The following TRIM16 variants were observed in gnomAD, a reference collection of about 807,000 sequenced individuals.
TRIM16 encodes the protein tripartite motif containing 16.
A neutral mutation model predicts 50.4 loss-of-function variants in TRIM16; 33 were observed. The observed-to-expected ratio is 0.65, with a 90% CI of 0.50 to 0.88. The LOEUF (loss-of-function observed/expected upper bound fraction) is 0.88. Ranked by LOEUF, TRIM16 falls within the 40% of genes least tolerant of loss-of-function variation. The pLI is 0.00. For missense variants in TRIM16, 581 were observed against 686.8 expected, an observed-to-expected ratio of 0.85 and a Z score of 1.72; for synonymous variants, 229 against 270.7, an observed-to-expected ratio of 0.85 and a Z score of 1.51.
At chr17:15,644,148 G>A (rs980276865) in intron 7 of TRIM16, among the ~76,000 whole-genome samples, 1 of 152,202 alleles carries the variant, frequency 6.6e-6, no homozygotes, top group African/African-American at 2.4e-5. Context: ...CACCCCTTCA[G>A]CAATCCAGAA....
At chr17:15,674,054 A>G (rs1988823591) in intron 6 of TRIM16, among the ~76,000 whole-genome samples, 1 of 152,164 alleles carries the variant, frequency 6.6e-6, no homozygotes, top group Non-Finnish European at 1.5e-5. Context: ...AGATGGAAAA[A>G]GCAAAATAGA....
intron 8 of TRIM16, among the ~76,000 whole-genome samples, chr17:15,639,899 C>T (rs1239223788): frequency 1.3e-5 from 2 of 149,128 alleles, no homozygotes; most frequent in Non-Finnish European, 3.0e-5. Context: ...TCCCACTCTC[C>T]TGAGAATGAG....
chr17:15,662,742 C>T (rs917907201), intron 6 of TRIM16, among the ~76,000 whole-genome samples: 2 of 152,170 alleles, frequency 1.3e-5, no homozygotes, highest in Non-Finnish European at 2.9e-5. Context: ...ACATGAGATA[C>T]AGGGTTTTAC....
intron 6 of TRIM16, among the ~76,000 whole-genome samples, chr17:15,665,434 G>A (rs375636583): frequency 2.4e-4 from 36 of 152,300 alleles, no homozygotes; most frequent in South Asian, 1.2e-3. Flanking sequence ...GCGTGAACCC[G>A]GAAGGCAGAG....
intron 6 of TRIM16, among the ~76,000 whole-genome samples, chr17:15,663,343 G>A (rs1221985657): frequency 6.6e-6 from 1 of 152,082 alleles, no homozygotes; most frequent in Non-Finnish European, 1.5e-5. Context: ...TATTTGTGGA[G>A]GTCACAAAAT....
In TRIM16 at chr17:15,628,473, A is replaced by T; in HGVS notation, c.*142T>A. On this transcript the variant is annotated 3_prime_UTR_variant, in exon 12 of 12. Transcript: ENST00000649191. ...AGCACCATATGGAGCAAAAGAGAGC[A>T]GCTGGAGAATGTTTTCATTCAGAGA... 1 of 650,060 alleles carries T rather than the reference A, an allele frequency of 1.5e-6. No individual in the cohort carries two copies. Among genetic ancestry groups the T allele is most frequent in the Non-Finnish European group, 2.6e-6 (1 of 383,000 alleles). 40.3% of individuals were successfully genotyped at this position (650,060 alleles called of 1,614,324 possible).
In TRIM16 at chr17:15,628,018, T is replaced by C. The variant is rs1986193541; in HGVS notation, c.*597A>G. On this transcript the variant is annotated 3_prime_UTR_variant, in exon 12 of 12. Coordinates refer to ENST00000649191, the MANE Select transcript of TRIM16 (RefSeq NM_001348119.1). ...ACTCTGCAATCTTTTCAGCCACTCTTTAAGGTTCCTGGTCATCCATTCTGG... is the reference window on the plus strand; with the variant it reads ...ACTCTGCAATCTTTTCAGCCACTCTCTAAGGTTCCTGGTCATCCATTCTGG... 1 of 152,300 alleles carries C rather than the reference T, an allele frequency of 6.6e-6. No homozygotes were observed. The highest frequency in any genetic ancestry group is 2.4e-5 in the African/African-American group (1 of 41,440). 9.4% of individuals were successfully genotyped at this position (152,300 alleles called of 1,614,324 possible).
chr17:15,683,163 G>T lies in TRIM16; in HGVS notation c.-898-6C>A. Reference sequence around the variant, plus strand: ...TGCCAGCATTCTACCAGAAACTGTGGTAAGAGGTTCTGGATTGAAGTTTTC... The same window carrying T: ...TGCCAGCATTCTACCAGAAACTGTGTTAAGAGGTTCTGGATTGAAGTTTTC... On this transcript the variant is annotated splice_region_variant and splice_polypyrimidine_tract_variant and intron_variant, in intron 1 of 11. Transcript: ENST00000649191. 6.5e-7 allele frequency: 1 copy of T among 1,535,060 alleles called. No individual in the cohort carries two copies. Among genetic ancestry groups the T allele is most frequent in the East Asian group, 2.4e-5 (1 of 40,818 alleles).
intron 6 of TRIM16, among the ~76,000 whole-genome samples, chr17:15,665,259 T>C (rs1439574391): frequency 1.3e-5 from 2 of 152,152 alleles, no homozygotes; most frequent in African/African-American, 2.4e-5. Context: ...ATGCCTGTAA[T>C]CCCAGCACTT....
At chr17:15,637,654 C>A (rs1986888412) in intron 8 of TRIM16, among the ~76,000 whole-genome samples, 1 of 147,990 alleles carries the variant, frequency 6.8e-6, no homozygotes, top group African/African-American at 2.5e-5. Flanking sequence ...CGGCCAGCCG[C>A]CCCGTCCGGG....
rs576081589 is a variant in TRIM16 at position 15,634,760 on chromosome 17, G to A, written c.849+1276C>T. Among the ~76,000 whole-genome samples the A allele has an allele frequency of 3.4e-5, 5 of 148,922 alleles. No homozygotes were observed. In the East Asian group the frequency reaches 1.0e-3, roughly 30 times the overall value. ...CGGGAGGCGGAGGTTGCAGTGAGCC[G>A]AGATCGTGCCACTGCACTCCAGCCT... is the stretch of plus-strand genomic sequence containing the variant. On this transcript the variant is annotated intron_variant, in intron 9 of 11. Coordinates refer to ENST00000649191, the MANE Select transcript of TRIM16 (RefSeq NM_001348119.1).
intron 7 of TRIM16, among the ~76,000 whole-genome samples, chr17:15,647,945 G>A (rs1447793098): frequency 2.8e-4 from 43 of 152,164 alleles, no homozygotes; most frequent in Admixed American, 2.8e-3. Flanking sequence ...ACCAAAGGGG[G>A]CCGGGCGTGG....
At chr17:15,675,532 T>A (rs201142037) in intron 6 of TRIM16, 1 of 170,142 alleles carries the variant, frequency 5.9e-6, no homozygotes. Flanking sequence ...TTACAAAACA[T>A]ATAAAGGTCT....
chr17:15,643,659 GATGA>G lies in TRIM16; in HGVS notation c.520-847_520-844del, dbSNP rs1987217655. 2.6e-5 allele frequency among the ~76,000 whole-genome samples: 4 copies of G among 151,218 alleles called. No individual in the cohort carries two copies. In the South Asian group the frequency reaches 8.4e-4, roughly 32 times the overall value. On this transcript the variant is annotated intron_variant, in intron 7 of 11. Coordinates refer to ENST00000649191, the MANE Select transcript of TRIM16 (RefSeq NM_001348119.1). ...CATTGGTCACTCATATTTGGCTCAG[GATGA>G]ATATCTTCAAATATGTTACAGAGTT...
At chr17:15,660,656 T>TG (rs1988184405) in intron 6 of TRIM16, among the ~76,000 whole-genome samples, 1 of 151,956 alleles carries the variant, frequency 6.6e-6, no homozygotes, top group Non-Finnish European at 1.5e-5. Flanking sequence ...CCCAGCACTT[T>TG]GGGAGGCCGA....
chr17:15,637,866 A>G (rs376464335), intron 8 of TRIM16, among the ~76,000 whole-genome samples: 2 of 134,568 alleles, frequency 1.5e-5, no homozygotes. Flanking sequence ...TGTAGAAAGA[A>G]GTAGACATGG....
chr17:15,681,820 A>T (rs2151432900), intron 3 of TRIM16, among the ~76,000 whole-genome samples: 1 of 152,386 alleles, frequency 6.6e-6, no homozygotes, highest in Admixed American at 6.5e-5. Context: ...CTCTCCACCC[A>T]TCTCCAAAAA....
chr17:15,636,327 G>A (rs1188289589), intron 8 of TRIM16, 58 bp from the exon 9 acceptor site: 17 of 1,565,930 alleles, frequency 1.1e-5, no homozygotes, highest in Admixed American at 1.7e-5. Flanking sequence ...CATCCAACTT[G>A]ATAGAAACTC....
chr17:15,671,868 G>A (rs1388678085), intron 6 of TRIM16, among the ~76,000 whole-genome samples: 1 of 152,160 alleles, frequency 6.6e-6, no homozygotes, highest in Non-Finnish European at 1.5e-5. Flanking sequence ...GTGGCCAAGA[G>A]GTGAGGGTGG....
Sources: allele counts gnomAD v4.1 joint callset (sites outside exome capture counted in the v4.1 genomes callset), GRCh38; gene constraint gnomAD v4.1.1; transcripts MANE v1.5; gene names NCBI Gene and HGNC (gene_info 2026-07-23, HGNC 2026-07-21).